MSTO1: variants seen among roughly 807,000 people sequenced by gnomAD.
MSTO1 encodes protein misato homolog 1.
A neutral mutation model predicts 55.7 loss-of-function variants in MSTO1; 24 were observed. The observed-to-expected ratio is 0.43, with a 90% CI of 0.31 to 0.61. The LOEUF (loss-of-function observed/expected upper bound fraction) is 0.61. MSTO1 is among the 20% of genes least tolerant of loss of function. MSTO1 has a pLI of 0.09. For missense variants in MSTO1, 363 were observed against 625.7 expected (o/e 0.58, Z 4.48); for synonymous variants, 162 against 252.8 (o/e 0.64, Z 3.41).
chr1:155,567,044 C>T, the MSTO1 span, among the ~76,000 whole-genome samples: 1 of 151,938 alleles, frequency 6.6e-6, no homozygotes, highest in African/African-American at 2.4e-5. Context: ...CTTGTTTTTT[C>T]TAAGATAAAA....
At chr1:155,567,543 G>A in the MSTO1 span, among the ~76,000 whole-genome samples, 3 of 151,258 alleles carry the variant, frequency 2.0e-5, no homozygotes, top group South Asian at 2.1e-4. Flanking sequence ...CTCGTGATCC[G>A]CCCGCCTCGG....
At chr1:155,592,777 A>T in the MSTO1 span, among the ~76,000 whole-genome samples, 1 of 151,906 alleles carries the variant, frequency 6.6e-6, no homozygotes, top group Non-Finnish European at 1.5e-5. Flanking sequence ...CTGGTCTCGA[A>T]CTCCTGACCT....
chr1:155,600,556 C>CTTTTTTTTTTTTTT, the MSTO1 span, among the ~76,000 whole-genome samples: 2,159 of 149,362 alleles, frequency 0.014, 72 homozygotes, highest in African/African-American at 0.053. Flanking sequence ...TTTTTTCTTT[C>CTTTTTTTTTTTTTT]TTTTTTTTTG....
At chr1:155,614,017 T>A in intron 13 of MSTO1, 42 bp from the exon 14 acceptor site, 1 of 1,606,194 alleles carries the variant, frequency 6.2e-7, no homozygotes, top group Non-Finnish European at 8.5e-7. Flanking sequence ...CAGGGCAGAA[T>A]AATCATCCAT....
At chr1:155,587,522 T>A in the MSTO1 span, among the ~76,000 whole-genome samples, 5 of 145,232 alleles carry the variant, frequency 3.4e-5, no homozygotes, top group East Asian at 2.1e-4. Context: ...GGCGGGTGGA[T>A]CACGAGGTCA....
chr1:155,594,755 A>G, the MSTO1 span, among the ~76,000 whole-genome samples: 1 of 152,012 alleles, frequency 6.6e-6, no homozygotes, highest in Non-Finnish European at 1.5e-5. Flanking sequence ...CTGGCTCCCA[A>G]GTTTTTTGAT....
the MSTO1 span, among the ~76,000 whole-genome samples, chr1:155,578,068 A>C: frequency 4.6e-5 from 7 of 152,122 alleles, no homozygotes; most frequent in Non-Finnish European, 1.0e-4. Flanking sequence ...GACCAAAAAG[A>C]TTGCTGGGAT....
downstream of MSTO1, chr1:155,614,967 A>T: frequency 1.1e-6 from 1 of 871,000 alleles, no homozygotes; most frequent in Non-Finnish European, 1.9e-6. Flanking sequence ...TGTTTATTCC[A>T]CACAGCAAGG....
At chr1:155,613,001 T>G in intron 10 of MSTO1, 26 bp downstream of exon 10, 1 of 1,613,978 alleles carries the variant, frequency 6.2e-7, no homozygotes, top group Non-Finnish European at 8.5e-7. Flanking sequence ...AGGGGTTGGG[T>G]CAGTGCTGAG....
chr1:155,564,803 G>A, the MSTO1 span, among the ~76,000 whole-genome samples: 1 of 152,250 alleles, frequency 6.6e-6, no homozygotes, highest in South Asian at 2.1e-4. Flanking sequence ...AAGCATCACA[G>A]GCTAGCGCAA....
chr1:155,573,308 AT>A, the MSTO1 span, among the ~76,000 whole-genome samples: 1 of 152,134 alleles, frequency 6.6e-6, no homozygotes, highest in Non-Finnish European at 1.5e-5. Flanking sequence ...CACATCTATA[AT>A]CCCAGCACTT....
chr1:155,566,992 G>T, the MSTO1 span, among the ~76,000 whole-genome samples: 17 of 152,272 alleles, frequency 1.1e-4, no homozygotes, highest in African/African-American at 4.1e-4. Context: ...TCCTACCGCT[G>T]CCTCAGCCTC....
chr1:155,607,396 G>A (rs1381979216), upstream of MSTO1, among the ~76,000 whole-genome samples: 16 of 151,620 alleles, frequency 1.1e-4, 1 homozygote, highest in East Asian at 7.7e-4. Flanking sequence ...GGATGGTCTC[G>A]AACTCCTGAC....
rs779096567 is a variant in MSTO1, at chr1:155,612,247, G to A, written c.744G>A (p.Leu248=). 1.9e-6 allele frequency: 3 copies of A among 1,593,004 alleles called. No homozygotes were observed. In the Admixed American group the frequency reaches 5.2e-5, roughly 28 times the overall value. ...GGGTAGGCGCGAAGGCGGCAGAGCT[G>A]CTACAAGATGAATATTCAGGGCGGG... is the stretch of plus-strand genomic sequence containing the variant. ...FSGVGAKAAE[L]LQDEYSGRGI... Residue 248 remains leucine, a synonymous_variant, in exon 8 of 14, where the codon CTG becomes CTA. Transcript: ENST00000245564.
chr1:155,602,086 GA>G, the MSTO1 span: 1 of 691,282 alleles, frequency 1.4e-6, no homozygotes, highest in Non-Finnish European at 2.8e-6. Flanking sequence ...ATCTTTGGGT[GA>G]AAAATTGCCG....
the MSTO1 span, among the ~76,000 whole-genome samples, chr1:155,596,108 G>A: frequency 6.6e-6 from 1 of 152,058 alleles, no homozygotes; most frequent in African/African-American, 2.4e-5. Context: ...TGTGTGGAAA[G>A]AAAAAAATAA....
At chr1:155,602,449 CT>C in the MSTO1 span, among the ~76,000 whole-genome samples, 68 of 152,264 alleles carry the variant, frequency 4.5e-4, 1 homozygote, top group Middle Eastern at 3.4e-3. Context: ...GCACTCCAGC[CT>C]GGGCGACAAG....
intron 9 of MSTO1, 110 bp downstream of exon 9, chr1:155,612,680 C>T: frequency 1.4e-6 from 2 of 1,435,718 alleles, no homozygotes; most frequent in Non-Finnish European, 1.9e-6. Context: ...AGCTTGAACT[C>T]AGCTGTGATG....
chr1:155,563,849 GT>G, the MSTO1 span: 1 of 331,264 alleles, frequency 3.0e-6, no homozygotes, highest in South Asian at 2.4e-5. Flanking sequence ...ATATTGCCGT[GT>G]TGTCATTTAC....
Sources: allele counts gnomAD v4.1 joint callset (sites outside exome capture counted in the v4.1 genomes callset), GRCh38; gene constraint gnomAD v4.1.1; transcripts MANE v1.5; gene names NCBI Gene and HGNC (gene_info 2026-07-23, HGNC 2026-07-21).